The following KCNT2 variants were observed in gnomAD, a reference collection of about 807,000 sequenced individuals.
The protein encoded by KCNT2 is potassium sodium-activated channel subfamily T member 2, also known as potassium channel subfamily T member 2.
Under a neutral mutation model 153.8 loss-of-function variants are expected in KCNT2, and 67 were observed. The observed-to-expected ratio is 0.44, with a 90% confidence interval of 0.36 to 0.53. The LOEUF is 0.53. Among genes scored for constraint, KCNT2 ranks in the 20% least tolerant of loss-of-function variants. The pLI is 0.00. For synonymous variants in KCNT2, 500 were observed against 458.8 expected, an observed-to-expected ratio of 1.09 and a Z score of -1.15; for missense variants, 975 against 1,354.8, an observed-to-expected ratio of 0.72 and a Z score of 4.40.
In KCNT2 at chr1:196,507,104, CAT is replaced by C. The variant is rs536293552; in HGVS notation, c.96-14765_96-14764del. Reference sequence around the variant, plus strand: ...TCTAAATGTTATTTTTAAATATATGCATATGTCAAAGAATACATCAGTAATAT... The same window carrying C: ...TCTAAATGTTATTTTTAAATATATGCATGTCAAAGAATACATCAGTAATAT... On this transcript the variant is annotated intron_variant, in intron 1 of 27. Coordinates refer to ENST00000294725, the MANE Select transcript of KCNT2 (RefSeq NM_198503.5). Among the ~76,000 whole-genome samples, 106 of 151,976 alleles carry C rather than the reference CAT, an allele frequency of 7.0e-4. 1 individual carries two copies. The highest frequency in any genetic ancestry group is 2.4e-3 in the African/African-American group (101 of 41,460).
At chr1:196,364,074 G>C (rs1356797611) in intron 14 of KCNT2, among the ~76,000 whole-genome samples, 1 of 151,824 alleles carries the variant, frequency 6.6e-6, no homozygotes, top group Non-Finnish European at 1.5e-5. Context: ...TTGTGGAACA[G>C]AAAATAGACA....
At chr1:196,232,917 T>A (rs1362141304) in intron 27 of KCNT2, among the ~76,000 whole-genome samples, 1 of 151,390 alleles carries the variant, frequency 6.6e-6, no homozygotes, top group Non-Finnish European at 1.5e-5. Flanking sequence ...CATAATTTTT[T>A]AAATTCTATA....
chr1:196,378,082 C>G lies in KCNT2; in HGVS notation c.1295-4834G>C, dbSNP rs527724839. On this transcript the variant is annotated intron_variant, in intron 13 of 27. Coordinates refer to ENST00000294725, the MANE Select transcript of KCNT2 (RefSeq NM_198503.5). The stretch of plus-strand genomic sequence containing the variant: ...CGAATTTCAACTTCAAGAGTGGCCA[C>G]AGAGAATAGTGAGCCATGAATATGA... Among the ~76,000 whole-genome samples the G allele has an allele frequency of 3.9e-5, 6 of 152,158 alleles. No homozygotes were observed. In the South Asian group the frequency reaches 1.2e-3, roughly 32 times the overall value.
At chr1:196,560,756 G>A (rs1371325661) in intron 1 of KCNT2, among the ~76,000 whole-genome samples, 2 of 151,904 alleles carry the variant, frequency 1.3e-5, no homozygotes, top group African/African-American at 4.8e-5. Flanking sequence ...CCAACTACCA[G>A]GTAAAGCTAC....
intron 5 of KCNT2, 40 bp downstream of exon 5, chr1:196,479,139 G>T: frequency 8.3e-7 from 1 of 1,209,940 alleles, no homozygotes; most frequent in Non-Finnish European, 1.2e-6. Context: ...TACTACAGAT[G>T]TGTTCTATCA....
chr1:196,326,611 T>A, intron 19 of KCNT2, 106 bp downstream of exon 19: 2 of 565,244 alleles, frequency 3.5e-6, no homozygotes, highest in South Asian at 3.1e-5. Flanking sequence ...CCATAATGTA[T>A]CTGATTTAAA....
In KCNT2 at chr1:196,275,979, A is replaced by G. The variant is rs566830665; in HGVS notation, c.2910+4881T>C. 2.6e-5 allele frequency among the ~76,000 whole-genome samples: 4 copies of G among 152,160 alleles called. No individual in the cohort carries two copies. The East Asian group carries it at 5.8e-4, about 22-fold the overall frequency. ...TAGAAAAATAGCAGCTTATAGCATA[A>G]TATCTCTTAATTCCCTCTCATAAGA... On this transcript the variant is annotated intron_variant, in intron 25 of 27. Transcript: ENST00000294725.
intron 25 of KCNT2, among the ~76,000 whole-genome samples, chr1:196,266,440 A>G (rs575670946): frequency 6.6e-6 from 1 of 152,314 alleles, no homozygotes; most frequent in African/African-American, 2.4e-5. Context: ...TCTGGCCTAA[A>G]TACTCCATGG....
intron 26 of KCNT2, among the ~76,000 whole-genome samples, chr1:196,246,048 T>C (rs1655414459): frequency 6.6e-6 from 1 of 152,076 alleles, no homozygotes; most frequent in South Asian, 2.1e-4. Flanking sequence ...AGACATTTAA[T>C]AATCAGACTG....
intron 25 of KCNT2, among the ~76,000 whole-genome samples, chr1:196,277,536 G>T (rs1311363263): frequency 1.3e-5 from 2 of 152,124 alleles, no homozygotes; most frequent in African/African-American, 2.4e-5. Context: ...CCTTTAATAT[G>T]TGTTTATATG....
At chr1:196,524,221 A>G (rs907708807) in intron 1 of KCNT2, among the ~76,000 whole-genome samples, 4 of 152,202 alleles carry the variant, frequency 2.6e-5, no homozygotes, top group African/African-American at 9.6e-5. Context: ...TTTCCTGGGC[A>G]GCCATCCTTA....
chr1:196,590,623 G>T (rs1663227776), intron 1 of KCNT2, among the ~76,000 whole-genome samples: 1 of 152,168 alleles, frequency 6.6e-6, no homozygotes, highest in African/African-American at 2.4e-5. Flanking sequence ...TGGTGAGGAG[G>T]TTGGGGTGGG....
At chr1:196,430,428 CTCTT>C (rs944372877) in intron 8 of KCNT2, among the ~76,000 whole-genome samples, 10 of 151,894 alleles carry the variant, frequency 6.6e-5, no homozygotes, top group Non-Finnish European at 1.5e-4. Flanking sequence ...CTTTCTCTCT[CTCTT>C]TCTCTCTCTC....
chr1:196,402,584 A>G (rs749394758), intron 12 of KCNT2, among the ~76,000 whole-genome samples: 1 of 151,702 alleles, frequency 6.6e-6, no homozygotes, highest in Non-Finnish European at 1.5e-5. Context: ...AAATCAAATA[A>G]TAAAAAATGT....
chr1:196,319,339 C>T (rs1018001296), intron 20 of KCNT2, 145 bp downstream of exon 20: 67 of 456,404 alleles, frequency 1.5e-4, no homozygotes, highest in African/African-American at 1.0e-4. Flanking sequence ...ATGTATAACA[C>T]GAGAACATAA....
chr1:196,482,678 C>T (rs1416635010), intron 3 of KCNT2, among the ~76,000 whole-genome samples: 2 of 151,916 alleles, frequency 1.3e-5, no homozygotes, highest in South Asian at 2.1e-4. Flanking sequence ...GATAATTCTA[C>T]ACCGAAAAGT....
At chr1:196,268,454 A>G (rs1276907987) in intron 25 of KCNT2, among the ~76,000 whole-genome samples, 3 of 152,158 alleles carry the variant, frequency 2.0e-5, no homozygotes, top group African/African-American at 7.2e-5. Flanking sequence ...GGCATTTAAG[A>G]TAACTTTCAT....
intron 1 of KCNT2, among the ~76,000 whole-genome samples, chr1:196,500,765 T>C (rs955488743): frequency 6.6e-6 from 1 of 152,094 alleles, no homozygotes; most frequent in Admixed American, 6.6e-5. Context: ...ATAGACAATA[T>C]ACAGAATGCC....
chr1:196,501,352 T>C (rs897271749), intron 1 of KCNT2, among the ~76,000 whole-genome samples: 2 of 152,118 alleles, frequency 1.3e-5, no homozygotes, highest in African/African-American at 4.8e-5. Context: ...GTGGGGTAGA[T>C]ATAGATACAC....
Sources: allele counts gnomAD v4.1 joint callset (sites outside exome capture counted in the v4.1 genomes callset), GRCh38; gene constraint gnomAD v4.1.1; transcripts MANE v1.5; gene names NCBI Gene and HGNC (gene_info 2026-07-23, HGNC 2026-07-21).